The following MYO5B variants were observed in gnomAD, a reference collection of about 807,000 sequenced individuals.
The protein encoded by MYO5B is unconventional myosin-Vb.
A neutral mutation model predicts 229.3 loss-of-function variants in MYO5B; 143 were observed. The ratio of observed to expected loss-of-function variants is 0.62; its 90% CI spans 0.54 to 0.72. The LOEUF is 0.72. MYO5B is among the 30% of genes least tolerant of loss of function. MYO5B has a pLI of 0.00. For missense variants in MYO5B, 2,321 were observed against 2,331.0 expected, an observed-to-expected ratio of 1.00 and a Z score of 0.09; for synonymous variants, 918 against 885.2, an observed-to-expected ratio of 1.04 and a Z score of -0.66.
chr18:50,110,340 C>A (rs1254560364), intron 1 of MYO5B, among the ~76,000 whole-genome samples: 5 of 152,168 alleles, frequency 3.3e-5, no homozygotes, highest in African/African-American at 1.2e-4. Flanking sequence ...ATGAGATAAG[C>A]TCTCTGTGGC....
chr18:49,929,479 C>T, intron 17 of MYO5B, 33 bp downstream of exon 17: 22 of 1,570,790 alleles, frequency 1.4e-5, no homozygotes, highest in Non-Finnish European at 1.9e-5. Flanking sequence ...TCTAGGGCAG[C>T]CCCAGGAGGC....
chr18:50,147,800 G>A (rs2032529138), intron 1 of MYO5B, among the ~76,000 whole-genome samples: 1 of 152,028 alleles, frequency 6.6e-6, no homozygotes, highest in East Asian at 1.9e-4. Flanking sequence ...AAATATTAAG[G>A]AACCTGCTTT....
At position 50,017,996 on chromosome 18, in the gene MYO5B, T is replaced by G. The variant is rs553062500; in HGVS notation, c.456-16585A>C. ...TTATTTGGGTAGTTGTTTCTGTTTC[T>G]TGCATGTGACTCAAATATGAGTTAA... On this transcript the variant is annotated intron_variant, in intron 4 of 39. Coordinates refer to ENST00000285039, the MANE Select transcript of MYO5B (RefSeq NM_001080467.3). 2.6e-5 allele frequency among the ~76,000 whole-genome samples: 4 copies of G among 152,354 alleles called. No homozygotes were observed. The East Asian group carries it at 7.7e-4, about 29-fold the overall frequency.
chr18:49,901,535 C>T (rs568835256), intron 21 of MYO5B, among the ~76,000 whole-genome samples: 2 of 152,356 alleles, frequency 1.3e-5, no homozygotes, highest in East Asian at 3.9e-4. Flanking sequence ...TTTCAAGTTT[C>T]TCCTACTGCA....
chr18:49,881,003 A>C (rs999027614), intron 22 of MYO5B, among the ~76,000 whole-genome samples: 57 of 152,222 alleles, frequency 3.7e-4, no homozygotes, highest in African/African-American at 1.3e-3. Flanking sequence ...GCTGACTGAC[A>C]ACCACACCCT....
rs564685204 is a variant in MYO5B, at chr18:49,889,575, G to A, written c.3045+5366C>T. On this transcript the variant is annotated intron_variant, in intron 22 of 39. Coordinates refer to ENST00000285039, the MANE Select transcript of MYO5B (RefSeq NM_001080467.3). Reference sequence around the variant, plus strand: ...CTGTGAAGTAACCAGACCTTACCATGGAGCAAAACTTTGCTTCTCCTTAAC... The same window carrying A: ...CTGTGAAGTAACCAGACCTTACCATAGAGCAAAACTTTGCTTCTCCTTAAC... Among the ~76,000 whole-genome samples the A allele has an allele frequency of 3.3e-5, 5 of 152,156 alleles. No individual in the cohort carries two copies. In the South Asian group the frequency reaches 6.2e-4, roughly 19 times the overall value.
chr18:50,140,423 T>C (rs927234202), intron 1 of MYO5B, among the ~76,000 whole-genome samples: 21 of 152,204 alleles, frequency 1.4e-4, no homozygotes, highest in African/African-American at 5.1e-4. Flanking sequence ...ACAAGAGAAG[T>C]CTCAGGTTCC....
At chr18:50,142,122 G>C (rs74792069) in intron 1 of MYO5B, among the ~76,000 whole-genome samples, 6,137 of 152,280 alleles carry the variant, frequency 0.04, 151 homozygotes, top group Non-Finnish European at 0.055. Flanking sequence ...ACTGGGTTCT[G>C]CTGTGGTCAC....
intron 1 of MYO5B, among the ~76,000 whole-genome samples, chr18:50,096,353 CT>C (rs1452695938): frequency 6.6e-6 from 1 of 152,034 alleles, no homozygotes; most frequent in Non-Finnish European, 1.5e-5. Context: ...CCCTTTCCCC[CT>C]CTGAAGCATT....
At chr18:49,994,134 C>A (rs1448238582) in intron 5 of MYO5B, among the ~76,000 whole-genome samples, 9 of 152,162 alleles carry the variant, frequency 5.9e-5, no homozygotes, top group Non-Finnish European at 5.9e-5. Context: ...GCAAGCCTTC[C>A]CTGATCCCGA....
At chr18:49,879,184 GC>G in intron 23 of MYO5B, 94 bp from the exon 24 acceptor site, 1 of 1,511,666 alleles carries the variant, frequency 6.6e-7, no homozygotes, top group Non-Finnish European at 9.2e-7. Context: ...TTAAGAGGCT[GC>G]CCATGACGAG....
intron 1 of MYO5B, 89 bp downstream of exon 1, chr18:50,194,678 G>A (rs2033276793): frequency 1.1e-6 from 1 of 943,994 alleles, no homozygotes; most frequent in East Asian, 3.1e-5. Context: ...CCCGCCTCCA[G>A]TAGCCGAGGG....
chr18:50,020,499 GA>G (rs1164708415), intron 4 of MYO5B, among the ~76,000 whole-genome samples: 1 of 152,152 alleles, frequency 6.6e-6, no homozygotes, highest in Non-Finnish European at 1.5e-5. Flanking sequence ...ATCTAATAGT[GA>G]CCCCCTTTCT....
intron 1 of MYO5B, among the ~76,000 whole-genome samples, chr18:50,122,593 G>C (rs550608474): frequency 1.9e-5 from 2 of 106,322 alleles, no homozygotes; most frequent in East Asian, 6.4e-4. Context: ...AGGAAGAGAG[G>C]GGGAGAGAGA....
At chr18:49,922,007 A>C (rs1285781870) in intron 17 of MYO5B, among the ~76,000 whole-genome samples, 1 of 152,224 alleles carries the variant, frequency 6.6e-6, no homozygotes, top group Non-Finnish European at 1.5e-5. Flanking sequence ...ATATGAGCTG[A>C]ATCACTTCGC....
intron 7 of MYO5B, among the ~76,000 whole-genome samples, chr18:49,986,417 A>G (rs2025871350): frequency 6.6e-6 from 1 of 152,168 alleles, no homozygotes; most frequent in Non-Finnish European, 1.5e-5. Context: ...CCTGAACTAT[A>G]ACCACCAGGT....
At chr18:50,159,575 A>G (rs1010247968) in intron 1 of MYO5B, among the ~76,000 whole-genome samples, 2 of 152,168 alleles carry the variant, frequency 1.3e-5, no homozygotes, top group African/African-American at 4.8e-5. Flanking sequence ...TCTCATGCTC[A>G]CAGTGGCTTT....
chr18:50,040,043 T>A (rs1339711221), intron 3 of MYO5B, 100 bp downstream of exon 3: 1 of 1,305,592 alleles, frequency 7.7e-7, no homozygotes, highest in East Asian at 2.3e-5. Flanking sequence ...TACTTACAAA[T>A]GAGAGAGTGA....
intron 17 of MYO5B, among the ~76,000 whole-genome samples, chr18:49,927,539 A>G (rs1199476401): frequency 6.6e-6 from 1 of 152,234 alleles, no homozygotes; most frequent in East Asian, 1.9e-4. Context: ...TGATATTGGT[A>G]TAAAAACGGG....
Sources: gnomAD v4.1 joint callset for allele counts (sites outside exome capture counted in the v4.1 genomes callset) on GRCh38, gnomAD v4.1.1 for gene constraint, MANE v1.5 for transcripts, NCBI Gene and HGNC (gene_info 2026-07-23, HGNC 2026-07-21) for gene names.